Variants in MGLL observed in about 807,000 individuals in gnomAD.
MGLL encodes the protein lysophospholipase homolog.
In MGLL, 7 loss-of-function variants were observed where a neutral mutation model predicts 29.1. The observed-to-expected ratio is 0.24, with a 90% CI of 0.14 to 0.45. MGLL has a LOEUF of 0.45. Among genes scored for constraint, MGLL ranks in the 20% least tolerant of loss-of-function variants. The probability of loss-of-function intolerance (pLI) is 0.99; values close to 1 mark genes in which losing one functional copy is unlikely to be tolerated. For synonymous variants in MGLL, 148 were observed against 168.3 expected (o/e 0.88, Z 0.93); for missense variants, 356 against 413.6 (o/e 0.86, Z 1.21).
Position 127,695,042 on chromosome 3 carries a change from C to T in MGLL, c.749G>A (p.Arg250His), listed in dbSNP as rs372843202. The T allele has an allele frequency of 2.4e-5, 38 of 1,613,922 alleles. No individual in the cohort carries two copies. Among genetic ancestry groups the T allele is most frequent in the Non-Finnish European group, 2.9e-5 (34 of 1,180,016 alleles). ...GTAGGCCCCTTTGCTGTCACATAGG[C>T]GATCGGCAGAGCCCTGGAGCAGCAG... ...PFLLLQGSAD[R>H]LCDSKGAYLL... The change falls in exon 7 of 8, where the codon CGC becomes CAC. Residue 250 changes from arginine (R) to histidine (H), a missense_variant. Transcript: ENST00000265052.
chr3:127,733,066 C>A (rs139332674), intron 3 of MGLL, among the ~76,000 whole-genome samples: 1 of 152,154 alleles, frequency 6.6e-6, no homozygotes, highest in Non-Finnish European at 1.5e-5. Flanking sequence ...TTCTAAGTCA[C>A]AGGGTGAGAT....
At chr3:127,760,270 G>A (rs2076739629) in intron 3 of MGLL, among the ~76,000 whole-genome samples, 1 of 152,174 alleles carries the variant, frequency 6.6e-6, no homozygotes, top group Admixed American at 6.5e-5. Context: ...TGACTGTCCT[G>A]GACACACAGG....
intron 3 of MGLL, 83 bp from the exon 4 acceptor site, chr3:127,722,649 GCTCT>G: frequency 6.3e-7 from 1 of 1,578,336 alleles, no homozygotes; most frequent in Non-Finnish European, 8.7e-7. Flanking sequence ...CACTGCAATC[GCTCT>G]CTCTCCTGAG....
At chr3:127,796,687 C>T (rs1037754286) in intron 2 of MGLL, among the ~76,000 whole-genome samples, 4 of 152,174 alleles carry the variant, frequency 2.6e-5, no homozygotes, top group South Asian at 2.1e-4. Flanking sequence ...GTGAGTGTCA[C>T]GCAATGTTTA....
intron 3 of MGLL, among the ~76,000 whole-genome samples, chr3:127,727,148 T>G (rs1022924992): frequency 6.6e-6 from 1 of 152,198 alleles, no homozygotes; most frequent in East Asian, 1.9e-4. Context: ...TACCAAGAAC[T>G]TCCCCCCTTC....
intron 3 of MGLL, among the ~76,000 whole-genome samples, chr3:127,767,431 C>T (rs866234683): frequency 1.3e-5 from 2 of 152,172 alleles, no homozygotes; most frequent in Non-Finnish European, 2.9e-5. Context: ...TTTCATGGCT[C>T]GTGGCAAGGA....
At chr3:127,781,309 T>A (rs1343489210) in intron 3 of MGLL, among the ~76,000 whole-genome samples, 1 of 152,178 alleles carries the variant, frequency 6.6e-6, no homozygotes, top group Non-Finnish European at 1.5e-5. Context: ...TGTGTGTCCT[T>A]GTATTTGTGT....
chr3:127,708,081 T>A (rs1363912936), intron 6 of MGLL, among the ~76,000 whole-genome samples: 1 of 152,224 alleles, frequency 6.6e-6, no homozygotes, highest in Admixed American at 6.5e-5. Context: ...CAAACATTTC[T>A]TTTTGGTTTG....
In MGLL at chr3:127,762,980, A is replaced by T. The variant is rs563783929; in HGVS notation, c.262+18809T>A. 3.0e-3 allele frequency among the ~76,000 whole-genome samples: 454 copies of T among 152,238 alleles called. 4 individuals carry two copies. Among genetic ancestry groups the T allele is most frequent in the African/African-American group, 0.01 (428 of 41,542 alleles). On this transcript the variant is annotated intron_variant, in intron 3 of 7. Coordinates refer to ENST00000265052, the MANE Select transcript of MGLL (RefSeq NM_007283.7). ...TCACTCCAGACTCTGCCTTCCCCCC[A>T]TGGCAGCCTCCCCAGCTTTGCCCTT...
intron 3 of MGLL, among the ~76,000 whole-genome samples, chr3:127,738,558 A>T (rs868109529): frequency 6.6e-6 from 1 of 152,190 alleles, no homozygotes; most frequent in Non-Finnish European, 1.5e-5. Flanking sequence ...GGCAGGAGCC[A>T]TCTGCCAGGC....
At chr3:127,822,105 C>T in intron 1 of MGLL, 1 of 680,788 alleles carries the variant, frequency 1.5e-6, no homozygotes, top group Non-Finnish European at 2.4e-6. Context: ...TATTTTAAAT[C>T]ATTTCAGGAA....
intron 3 of MGLL, among the ~76,000 whole-genome samples, chr3:127,743,105 G>A (rs532044003): frequency 1.8e-4 from 27 of 152,306 alleles, no homozygotes; most frequent in Admixed American, 1.1e-3. Context: ...GTGAGCCACC[G>A]CACCCAGCCT....
At chr3:127,696,660 C>T (rs58832129) in intron 6 of MGLL, among the ~76,000 whole-genome samples, 21,744 of 151,752 alleles carry the variant, frequency 0.14, 1,902 homozygotes, top group East Asian at 0.29. Context: ...GTGATCCACC[C>T]GCCTCGGCCT....
intron 2 of MGLL, among the ~76,000 whole-genome samples, chr3:127,819,389 C>T (rs1158824300): frequency 6.6e-6 from 1 of 152,164 alleles, no homozygotes; most frequent in Non-Finnish European, 1.5e-5. Context: ...TCCACAGGCC[C>T]CCGGGGTGGC....
intron 2 of MGLL, among the ~76,000 whole-genome samples, chr3:127,796,081 A>C (rs980695148): frequency 3.3e-5 from 5 of 152,176 alleles, no homozygotes; most frequent in African/African-American, 9.7e-5. Context: ...CATTGGAGAA[A>C]GCCCCCTCCC....
chr3:127,701,686 A>G (rs1036275065), intron 6 of MGLL, among the ~76,000 whole-genome samples: 11 of 151,734 alleles, frequency 7.2e-5, no homozygotes, highest in African/African-American at 2.7e-4. Flanking sequence ...CTCCCTCCCT[A>G]TCAACCCTCG....
intron 3 of MGLL, among the ~76,000 whole-genome samples, chr3:127,775,309 C>G (rs186475129): frequency 3.3e-5 from 5 of 152,290 alleles, no homozygotes; most frequent in African/African-American, 1.2e-4. Context: ...GCAAGAAAAA[C>G]GGTTAACACA....
chr3:127,763,017 G>T (rs2076792778), intron 3 of MGLL, among the ~76,000 whole-genome samples: 2 of 152,198 alleles, frequency 1.3e-5, no homozygotes. Flanking sequence ...ATCTTCATGT[G>T]TGCTGGATCA....
At chr3:127,706,204 G>T (rs1025238963) in intron 6 of MGLL, among the ~76,000 whole-genome samples, 11 of 152,148 alleles carry the variant, frequency 7.2e-5, no homozygotes, top group Non-Finnish European at 1.6e-4. Flanking sequence ...CTTTGCCCAG[G>T]CTATGTTCCC....
Sources: gnomAD v4.1 joint callset for allele counts (sites outside exome capture counted in the v4.1 genomes callset) on GRCh38, gnomAD v4.1.1 for gene constraint, MANE v1.5 for transcripts, NCBI Gene and HGNC (gene_info 2026-07-23, HGNC 2026-07-21) for gene names.